Variants in BCAS3 observed in about 807,000 individuals in gnomAD.
BCAS3 encodes the protein BCAS4/BCAS3 fusion.
A neutral mutation model predicts 116.1 loss-of-function variants in BCAS3; 53 were observed. The observed-to-expected ratio is 0.46, with a 90% CI of 0.37 to 0.57. BCAS3 has a LOEUF of 0.57. BCAS3 is among the 20% of genes least tolerant of loss of function. BCAS3 has a pLI of 0.00. For synonymous variants in BCAS3, 391 were observed against 408.2 expected (o/e 0.96, Z 0.51); for missense variants, 917 against 1,165.4 (o/e 0.79, Z 3.10).
intron 15 of BCAS3, among the ~76,000 whole-genome samples, chr17:60,997,988 C>T (rs960023845): frequency 2.6e-5 from 4 of 152,298 alleles, no homozygotes; most frequent in South Asian, 4.1e-4. Context: ...TTTTCAACCT[C>T]CCCACCCTTT....
rs762838833 is a variant in BCAS3, at chr17:61,365,401, T to A, written c.2426-2926T>A. Among the ~76,000 whole-genome samples the A allele has an allele frequency of 8.7e-4, 133 of 152,282 alleles. No homozygotes were observed. The highest frequency in any genetic ancestry group is 1.8e-3 in the Non-Finnish European group (120 of 68,018). On this transcript the variant is annotated intron_variant, in intron 22 of 23. Transcript: ENST00000407086. The surrounding 1 kb of genome is among the most constrained non-coding windows in gnomAD (Gnocchi z 4.6). ...CAGGCTGGAGTGCAGTGGCTCAATCTCGGCTCACTGCAACCTCTGCCTCCC... is the reference window on the plus strand; with the variant it reads ...CAGGCTGGAGTGCAGTGGCTCAATCACGGCTCACTGCAACCTCTGCCTCCC...
rs1345652374 is a variant in BCAS3 at position 60,951,902 on chromosome 17, G to T, written c.1221+4550G>T. Among the ~76,000 whole-genome samples the T allele has an allele frequency of 4.0e-5, 6 of 151,290 alleles. No individual in the cohort carries two copies. In the South Asian group the frequency reaches 6.3e-4, roughly 16 times the overall value. On this transcript the variant is annotated intron_variant, in intron 14 of 23. Coordinates refer to ENST00000407086, the MANE Select transcript of BCAS3 (RefSeq NM_017679.5). ...TCTCCTGCCTCAGCACCCCTGAGTA[G>T]CTGGGACTATAGGCACCCGCCACCA...
chr17:61,272,380 C>T (rs1284132763), intron 22 of BCAS3, among the ~76,000 whole-genome samples: 1 of 151,932 alleles, frequency 6.6e-6, no homozygotes, highest in African/African-American at 2.4e-5. Flanking sequence ...TGCCTGTAAT[C>T]CCAGCACTTT....
chr17:60,900,195 A>AG (rs2057790280), intron 10 of BCAS3: 1 of 141,310 alleles, frequency 7.1e-6, no homozygotes, highest in Admixed American at 6.7e-5. Context: ...TTAAAAAAAA[A>AG]AAAAAAGAAA....
chr17:60,903,390 A>G (rs2058023295), intron 11 of BCAS3, among the ~76,000 whole-genome samples: 1 of 152,270 alleles, frequency 6.6e-6, no homozygotes, highest in African/African-American at 2.4e-5. Context: ...GATGCGCTTC[A>G]GAATGTGTTC....
intron 7 of BCAS3, among the ~76,000 whole-genome samples, chr17:60,866,187 AG>A (rs934140677): frequency 6.0e-5 from 9 of 150,684 alleles, no homozygotes; most frequent in African/African-American, 2.2e-4. Context: ...GCTGGAGTGC[AG>A]TGATGCAATC....
intron 7 of BCAS3, among the ~76,000 whole-genome samples, chr17:60,855,035 T>A (rs1305151523): frequency 2.2e-5 from 3 of 138,554 alleles, no homozygotes; most frequent in African/African-American, 8.4e-5. Flanking sequence ...CTGCAACCTC[T>A]GCCTCCCAGG....
At position 61,210,991 on chromosome 17, in the gene BCAS3, G is replaced by GA. The variant is rs11377683; in HGVS notation, c.2425+126428dup. Among the ~76,000 whole-genome samples the GA allele has an allele frequency of 5.8e-3, 876 of 152,240 alleles. 9 individuals are homozygous for GA. The highest frequency in any genetic ancestry group is 0.02 in the African/African-American group (819 of 41,532). On this transcript the variant is annotated intron_variant, in intron 22 of 23. Coordinates refer to ENST00000407086, the MANE Select transcript of BCAS3 (RefSeq NM_017679.5). ...GAGGTCAGCTTAATCCATACCCACA[G>GA]AGATGATGAGCCAAAGGCTTCCCTA...
intron 6 of BCAS3, among the ~76,000 whole-genome samples, chr17:60,757,029 G>A (rs1194150090): frequency 1.3e-5 from 2 of 152,068 alleles, no homozygotes; most frequent in Non-Finnish European, 2.9e-5. Flanking sequence ...TGGGCGTGTT[G>A]GCGCGTGCCT....
chr17:61,175,746 C>T (rs192671505), intron 22 of BCAS3, among the ~76,000 whole-genome samples: 51 of 152,144 alleles, frequency 3.4e-4, no homozygotes, highest in Admixed American at 1.2e-3. Flanking sequence ...AAGTATTTTC[C>T]GCTCACCCAA....
intron 13 of BCAS3, among the ~76,000 whole-genome samples, chr17:60,937,131 T>G (rs1056037126): frequency 3.3e-4 from 51 of 152,294 alleles, no homozygotes; most frequent in African/African-American, 1.2e-3. Context: ...TTTCCCCATT[T>G]CTTGTTTTTG....
At chr17:60,680,342 C>T (rs2032856662) in intron 2 of BCAS3, among the ~76,000 whole-genome samples, 2 of 152,142 alleles carry the variant, frequency 1.3e-5, no homozygotes, top group African/African-American at 4.8e-5. Context: ...AAACTCATGT[C>T]ACAGGGGTTT....
chr17:61,121,692 G>T (rs2075796396), intron 22 of BCAS3, among the ~76,000 whole-genome samples: 1 of 152,174 alleles, frequency 6.6e-6, no homozygotes, highest in South Asian at 2.1e-4. Flanking sequence ...AGTTTTCTTT[G>T]GTGAGCCTGT....
chr17:61,253,634 G>A (rs773657305), intron 22 of BCAS3, among the ~76,000 whole-genome samples: 23 of 151,606 alleles, frequency 1.5e-4, no homozygotes, highest in Non-Finnish European at 3.1e-4. Flanking sequence ...TGGAGGAGGG[G>A]CAGCTGAGTA....
intron 22 of BCAS3, among the ~76,000 whole-genome samples, chr17:61,342,756 T>C (rs182686728): frequency 7.8e-4 from 118 of 151,796 alleles, no homozygotes; most frequent in African/African-American, 2.4e-3. Context: ...CTTTTCTTTT[T>C]TTTTTTTTTT....
intron 6 of BCAS3, among the ~76,000 whole-genome samples, chr17:60,762,804 C>G (rs546301577): frequency 5.9e-5 from 9 of 152,088 alleles, no homozygotes; most frequent in African/African-American, 1.9e-4. Flanking sequence ...TGGCCATTTT[C>G]ACGATATTGA....
rs1274286943 is a variant in BCAS3, at chr17:61,106,744, A to T, written c.2425+22180A>T. ...TCCTTCAAGTCATTAAATATTTTTG[A>T]AGACATAGATATTTTAATGGTGGCT... On this transcript the variant is annotated intron_variant, in intron 22 of 23. Coordinates refer to ENST00000407086, the MANE Select transcript of BCAS3 (RefSeq NM_017679.5). The surrounding 1 kb of genome is among the most constrained non-coding windows in gnomAD (Gnocchi z 4.2). Among the ~76,000 whole-genome samples, 6 of 152,176 alleles carry T rather than the reference A, an allele frequency of 3.9e-5. No homozygotes were observed. Among genetic ancestry groups the T allele is most frequent in the Non-Finnish European group, 8.8e-5 (6 of 68,026 alleles).
Position 61,332,107 on chromosome 17 carries a change from A to G in BCAS3, c.2426-36220A>G, listed in dbSNP as rs1020489962. On this transcript the variant is annotated intron_variant, in intron 22 of 23. Coordinates refer to ENST00000407086, the MANE Select transcript of BCAS3 (RefSeq NM_017679.5). The surrounding 1 kb of genome is among the most constrained non-coding windows in gnomAD (Gnocchi z 5.4). ...GAGGCTGCCTCAGACAAGTGCAGAG[A>G]GTTGCCACCCAGCCCGCCGGGCTCT... 2.6e-5 allele frequency among the ~76,000 whole-genome samples: 4 copies of G among 152,168 alleles called. No homozygotes were observed. The highest frequency in any genetic ancestry group is 6.5e-5 in the Admixed American group (1 of 15,270).
rs192909734 is a variant in BCAS3 at position 61,269,171 on chromosome 17, A to G, written c.2426-99156A>G. ...CTCTTGTTGCCCAGGCTGGAGTGCA[A>G]TGCTGTGATCTCGGCTCACCACAAC... On this transcript the variant is annotated intron_variant, in intron 22 of 23. Coordinates refer to ENST00000407086, the MANE Select transcript of BCAS3 (RefSeq NM_017679.5). Among the ~76,000 whole-genome samples, 644 of 150,450 alleles carry G rather than the reference A, an allele frequency of 4.3e-3. 10 individuals are homozygous for G. The highest frequency in any genetic ancestry group is 0.015 in the African/African-American group (602 of 40,902).
Sources: allele counts gnomAD v4.1 joint callset (sites outside exome capture counted in the v4.1 genomes callset), GRCh38; gene constraint gnomAD v4.1.1; non-coding constraint Gnocchi (gnomAD v3.1); transcripts MANE v1.5; gene names NCBI Gene and HGNC (gene_info 2026-07-23, HGNC 2026-07-21).